NDUFAF2: variants seen among roughly 807,000 people sequenced by gnomAD.
NDUFAF2 encodes NADH dehydrogenase [ubiquinone] 1 alpha subcomplex assembly factor 2.
In NDUFAF2, 13 loss-of-function variants were observed where a neutral mutation model predicts 22.8. The ratio of observed to expected loss-of-function variants is 0.57; its 90% CI spans 0.37 to 0.91. The LOEUF is 0.91. Ranked by LOEUF, NDUFAF2 falls within the 40% of genes least tolerant of loss-of-function variation. The pLI, the probability that NDUFAF2 is intolerant of heterozygous loss-of-function variation, is 0.01. For missense variants in NDUFAF2, 162 were observed against 195.2 expected (o/e 0.83, Z 1.01); for synonymous variants, 53 against 64.2 (o/e 0.83, Z 0.84).
At position 61,005,593 on chromosome 5, in the gene NDUFAF2, G is replaced by A. The variant is rs548733292; in HGVS notation, c.127+60211G>A. Among the ~76,000 whole-genome samples the A allele has an allele frequency of 4.6e-5, 7 of 152,286 alleles. 1 individual carries two copies. The highest frequency in any genetic ancestry group is 1.4e-4 in the African/African-American group (6 of 41,554). ...TTCCTATTTCTCCACATCCTCTGCA[G>A]CACCTGTTGTTTCCTGATTTTTTAA... On this transcript the variant is annotated intron_variant, in intron 1 of 3. Coordinates refer to ENST00000296597, the MANE Select transcript of NDUFAF2 (RefSeq NM_174889.5).
At chr5:61,132,685 T>C (rs1227039842) in intron 3 of NDUFAF2, among the ~76,000 whole-genome samples, 1 of 152,184 alleles carries the variant, frequency 6.6e-6, no homozygotes, top group African/African-American at 2.4e-5. Context: ...CCCATAATGT[T>C]ATTTCAACTG....
intron 2 of NDUFAF2, among the ~76,000 whole-genome samples, chr5:61,084,679 T>C (rs949174057): frequency 6.6e-6 from 1 of 152,208 alleles, no homozygotes; most frequent in Non-Finnish European, 1.5e-5. Context: ...GGCTGAATAA[T>C]ATTCCATTGT....
At chr5:61,052,217 A>G (rs1752032870) in intron 1 of NDUFAF2, among the ~76,000 whole-genome samples, 1 of 152,176 alleles carries the variant, frequency 6.6e-6, no homozygotes, top group Admixed American at 6.5e-5. Flanking sequence ...TCCAAACAGT[A>G]TGAGAGCTTG....
chr5:61,040,289 C>CGT (rs1379571866), intron 1 of NDUFAF2, among the ~76,000 whole-genome samples: 4 of 81,294 alleles, frequency 4.9e-5, no homozygotes, highest in African/African-American at 2.1e-4. Flanking sequence ...CACACACACG[C>CGT]GCGCGCGCGC....
chr5:60,961,402 T>C (rs1214733939), intron 1 of NDUFAF2, among the ~76,000 whole-genome samples: 1 of 152,050 alleles, frequency 6.6e-6, no homozygotes, highest in Non-Finnish European at 1.5e-5. Context: ...GAGACCATCC[T>C]GGCTAACACA....
intron 1 of NDUFAF2, among the ~76,000 whole-genome samples, chr5:60,991,444 C>T (rs1334992787): frequency 6.6e-6 from 1 of 152,146 alleles, no homozygotes; most frequent in Non-Finnish European, 1.5e-5. Context: ...TTAACTATCC[C>T]TACTTACCCT....
In NDUFAF2 at chr5:60,981,840, A is replaced by G. The variant is rs374324175; in HGVS notation, c.127+36458A>G. Among the ~76,000 whole-genome samples the G allele has an allele frequency of 5.9e-5, 9 of 152,320 alleles. No individual in the cohort carries two copies. The South Asian group carries it at 1.9e-3, about 32-fold the overall frequency. On this transcript the variant is annotated intron_variant, in intron 1 of 3. Coordinates refer to ENST00000296597, the MANE Select transcript of NDUFAF2 (RefSeq NM_174889.5). ...CTCATTTTCAGCAGAGATGCCAAGA[A>G]CATACAGTGAGGAAAAGACAGTCTC...
intron 1 of NDUFAF2, among the ~76,000 whole-genome samples, chr5:61,047,052 G>A (rs1012209413): frequency 6.6e-6 from 1 of 152,122 alleles, no homozygotes; most frequent in African/African-American, 2.4e-5. Context: ...AATTTCAAGA[G>A]CATCAGGACT....
chr5:61,099,542 T>C (rs906515119), intron 3 of NDUFAF2, among the ~76,000 whole-genome samples: 1 of 151,518 alleles, frequency 6.6e-6, no homozygotes, highest in Non-Finnish European at 1.5e-5. Flanking sequence ...ATTAGTTGAC[T>C]TTTTATTTAA....
At chr5:61,008,951 G>A (rs1211465361) in intron 1 of NDUFAF2, among the ~76,000 whole-genome samples, 1 of 151,878 alleles carries the variant, frequency 6.6e-6, no homozygotes, top group Non-Finnish European at 1.5e-5. Context: ...ATTTTCCCAA[G>A]TGTGTCTTCT....
chr5:61,118,540 G>A (rs1752940289), intron 3 of NDUFAF2, among the ~76,000 whole-genome samples: 1 of 152,144 alleles, frequency 6.6e-6, no homozygotes, highest in African/African-American at 2.4e-5. Context: ...TTGGCTGGTT[G>A]AGTTTGACAA....
intron 3 of NDUFAF2, among the ~76,000 whole-genome samples, chr5:61,122,641 T>G (rs1175324327): frequency 6.6e-6 from 1 of 152,202 alleles, no homozygotes; most frequent in African/African-American, 2.4e-5. Flanking sequence ...CACCTCTGTT[T>G]TCTCATCATA....
At chr5:61,043,896 T>G (rs904264284) in intron 1 of NDUFAF2, among the ~76,000 whole-genome samples, 4 of 152,130 alleles carry the variant, frequency 2.6e-5, no homozygotes, top group African/African-American at 9.7e-5. Flanking sequence ...GATTATTTGG[T>G]AGTCTTATTT....
intron 2 of NDUFAF2, among the ~76,000 whole-genome samples, chr5:61,096,056 C>T (rs1752635722): frequency 6.6e-6 from 1 of 152,098 alleles, no homozygotes; most frequent in Admixed American, 6.6e-5. Flanking sequence ...TTCCCAAAGT[C>T]ACTTATTTCC....
At chr5:61,060,034 T>G (rs778577187) in intron 1 of NDUFAF2, among the ~76,000 whole-genome samples, 2 of 152,206 alleles carry the variant, frequency 1.3e-5, no homozygotes, top group Admixed American at 6.6e-5. Context: ...GTCATAGAAA[T>G]GCTTAGGTTC....
Position 61,056,799 on chromosome 5 carries a change from G to A in NDUFAF2, c.128-16326G>A, listed in dbSNP as rs1184578768. ...AGCTACTCAGGAGGCTGAGGCATGA[G>A]AATCGCTTGAACCAAGGAGGCCGAG... On this transcript the variant is annotated intron_variant, in intron 1 of 3. Transcript: ENST00000296597. Among the ~76,000 whole-genome samples the A allele has an allele frequency of 2.1e-5, 3 of 144,530 alleles. No homozygotes were observed. In the East Asian group the frequency reaches 6.5e-4, roughly 31 times the overall value. The allele number at this position is 144,530 out of a possible 152,430, so 94.8% of individuals were successfully genotyped here.
At chr5:60,982,663 C>A (rs991797779) in intron 1 of NDUFAF2, among the ~76,000 whole-genome samples, 4 of 149,942 alleles carry the variant, frequency 2.7e-5, no homozygotes, top group African/African-American at 9.8e-5. Flanking sequence ...GGTCTTTTGT[C>A]CTTGCGATAG....
chr5:61,111,369 T>A (rs751245898), intron 3 of NDUFAF2, among the ~76,000 whole-genome samples: 1 of 152,210 alleles, frequency 6.6e-6, no homozygotes, highest in Non-Finnish European at 1.5e-5. Context: ...GTTTCTTTGT[T>A]GATTTTCTGT....
chr5:61,140,967 G>A lies in NDUFAF2; in HGVS notation c.259-11737G>A, dbSNP rs143718182. Among the ~76,000 whole-genome samples, 150 of 152,258 alleles carry A rather than the reference G, an allele frequency of 9.9e-4. 1 individual carries two copies. Among genetic ancestry groups the A allele is most frequent in the African/African-American group, 3.4e-3 (142 of 41,548 alleles). ...ACCAGGGCTGGGTGTGGTGGCTCAC[G>A]CCTGTAATCCCAGCACTTTGGGAGG... is the stretch of plus-strand genomic sequence containing the variant. On this transcript the variant is annotated intron_variant, in intron 3 of 3. Coordinates refer to ENST00000296597, the MANE Select transcript of NDUFAF2 (RefSeq NM_174889.5).
Sources: allele counts gnomAD v4.1 joint callset (sites outside exome capture counted in the v4.1 genomes callset), GRCh38; gene constraint gnomAD v4.1.1; transcripts MANE v1.5; gene names NCBI Gene and HGNC (gene_info 2026-07-23, HGNC 2026-07-21).